The following PRAG1 variants were observed in gnomAD, a reference collection of about 807,000 sequenced individuals.
PRAG1 encodes inactive tyrosine-protein kinase PRAG1.
Under a neutral mutation model 95.6 loss-of-function variants are expected in PRAG1, and 110 were observed. That is an observed-to-expected ratio of 1.15 (90% CI 0.99 to 1.35). PRAG1 has a LOEUF of 1.35. Ranked by LOEUF, PRAG1 falls within the 40% of genes most tolerant of loss-of-function variation. The pLI is 0.00. For missense variants in PRAG1, 2,554 were observed against 1,864.7 expected (o/e 1.37, Z -6.81); for synonymous variants, 1,052 against 819.4 (o/e 1.28, Z -4.85).
Position 8,317,966 on chromosome 8 carries a change from G to A in PRAG1, c.*188C>T, listed in dbSNP as rs1798328548. 2.5e-6 allele frequency: 1 copy of A among 405,240 alleles called. No homozygotes were observed. Among genetic ancestry groups the A allele is most frequent in the Non-Finnish European group, 4.1e-6 (1 of 245,170 alleles). The allele number at this position is 405,240 out of a possible 1,614,324, so 25.1% of individuals were successfully genotyped here. On this transcript the variant is annotated 3_prime_UTR_variant, in exon 6 of 6. Coordinates refer to ENST00000615670, the MANE Select transcript of PRAG1 (RefSeq NM_001080826.3). ...GCAGAGAGGAGACGAGTGTGGACGGGCAACAGCATCCTTAGTCTTTCATAT... is the reference window on the plus strand; with the variant it reads ...GCAGAGAGGAGACGAGTGTGGACGGACAACAGCATCCTTAGTCTTTCATAT...
intron 4 of PRAG1, among the ~76,000 whole-genome samples, chr8:8,333,533 C>T (rs1585228522): frequency 6.6e-6 from 1 of 152,178 alleles, no homozygotes; most frequent in Non-Finnish European, 1.5e-5. Flanking sequence ...ACAGCTTAAC[C>T]TCTCTGCAGA....
At chr8:8,349,831 G>A (rs978787251) in intron 3 of PRAG1, among the ~76,000 whole-genome samples, 4 of 151,868 alleles carry the variant, frequency 2.6e-5, no homozygotes, top group Non-Finnish European at 5.9e-5. Context: ...TGACTCTTCT[G>A]GAGCTCTACA....
intron 4 of PRAG1, among the ~76,000 whole-genome samples, chr8:8,337,919 C>T (rs1433924157): frequency 6.6e-6 from 1 of 152,128 alleles, no homozygotes; most frequent in African/African-American, 2.4e-5. Context: ...TTGCCGGTGT[C>T]TATTGAAGCA....
At chr8:8,375,444 C>G (rs999126179) in intron 3 of PRAG1, among the ~76,000 whole-genome samples, 1 of 152,104 alleles carries the variant, frequency 6.6e-6, no homozygotes, top group Admixed American at 6.5e-5. Flanking sequence ...TCGTGATCCG[C>G]CCGCCTCGGC....
At chr8:8,336,921 C>G (rs866949386) in intron 4 of PRAG1, among the ~76,000 whole-genome samples, 14 of 142,822 alleles carry the variant, frequency 9.8e-5, no homozygotes, top group African/African-American at 2.8e-4. Flanking sequence ...CCCCTCCCCC[C>G]ACCTCCGACA....
intron 5 of PRAG1, among the ~76,000 whole-genome samples, chr8:8,319,894 T>G (rs969004826): frequency 6.6e-6 from 1 of 152,248 alleles, no homozygotes; most frequent in Non-Finnish European, 1.5e-5. Context: ...CACAGTGAGA[T>G]ATCAGTTCAC....
chr8:8,368,303 G>A (rs922403203), intron 3 of PRAG1, among the ~76,000 whole-genome samples: 2 of 152,232 alleles, frequency 1.3e-5, no homozygotes, highest in African/African-American at 4.8e-5. Flanking sequence ...GAAGCACAGA[G>A]AAGCCGTCCA....
At chr8:8,343,932 GA>G (rs962185057) in intron 3 of PRAG1, among the ~76,000 whole-genome samples, 7 of 151,702 alleles carry the variant, frequency 4.6e-5, no homozygotes, top group African/African-American at 1.7e-4. Context: ...AAATAAATGG[GA>G]AAAAATAATT....
intron 4 of PRAG1, among the ~76,000 whole-genome samples, chr8:8,334,900 T>A (rs1343341269): frequency 6.6e-6 from 1 of 151,918 alleles, no homozygotes; most frequent in African/African-American, 2.4e-5. Context: ...CTGGCCAACA[T>A]GGCGAAACTC....
At chr8:8,333,778 C>T (rs559254286) in intron 4 of PRAG1, among the ~76,000 whole-genome samples, 2 of 152,300 alleles carry the variant, frequency 1.3e-5, no homozygotes, top group African/African-American at 4.8e-5. Context: ...AACTAAGTCT[C>T]CCCAAACGTT....
At chr8:8,359,185 A>AT (rs1799772315) in intron 3 of PRAG1, among the ~76,000 whole-genome samples, 1 of 152,046 alleles carries the variant, frequency 6.6e-6, no homozygotes, top group Non-Finnish European at 1.5e-5. Context: ...CCCTCCTCTT[A>AT]TTTTTTTATA....
intron 4 of PRAG1, among the ~76,000 whole-genome samples, chr8:8,339,035 T>C (rs1385377579): frequency 6.6e-6 from 1 of 152,054 alleles, no homozygotes; most frequent in African/African-American, 2.4e-5. Flanking sequence ...CAGCAAACAT[T>C]ATGTAAACAT....
chr8:8,322,327 C>A (rs1037427445), intron 5 of PRAG1, among the ~76,000 whole-genome samples: 2 of 152,022 alleles, frequency 1.3e-5, no homozygotes, highest in Non-Finnish European at 2.9e-5. Context: ...ATTACAGGTG[C>A]CTGCCACCAC....
chr8:8,368,892 A>T (rs867358411), intron 3 of PRAG1, among the ~76,000 whole-genome samples: 8 of 150,688 alleles, frequency 5.3e-5, no homozygotes, highest in African/African-American at 1.7e-4. Context: ...TTGGCAAGAG[A>T]GTGCTGGCTC....
chr8:8,340,553 G>C (rs947118330), intron 3 of PRAG1, among the ~76,000 whole-genome samples: 2 of 152,238 alleles, frequency 1.3e-5, no homozygotes, highest in Non-Finnish European at 2.9e-5. Context: ...TTCTACGGCA[G>C]ATCCATATCT....
chr8:8,318,918 G>A lies in PRAG1; in HGVS notation c.3457C>T (p.Leu1153=). 6.2e-7 allele frequency: 1 copy of A among 1,609,108 alleles called. No individual in the cohort carries two copies. Among genetic ancestry groups the A allele is most frequent in the Non-Finnish European group, 8.5e-7 (1 of 1,178,200 alleles). ...HRDLCLENLL[L]VHCTLQAGPG... ...CCGGCCTGGAGGGTGCAGTGCACCA[G>A]CAGCAGGTTCTCCAGGCACAGGTCC... Residue 1153 remains leucine, a synonymous_variant, in exon 6 of 6, where the codon CTG becomes TTG. Coordinates refer to ENST00000615670, the MANE Select transcript of PRAG1 (RefSeq NM_001080826.3). This position sits in a 1 kb window ranked among gnomAD's most constrained non-coding sequence, Gnocchi z 4.2.
chr8:8,379,886 A>G (rs1800573811), intron 2 of PRAG1, among the ~76,000 whole-genome samples: 1 of 152,210 alleles, frequency 6.6e-6, no homozygotes, highest in African/African-American at 2.4e-5. Flanking sequence ...TCCAAGCTTC[A>G]AAATTGGAAA....
chr8:8,381,691 G>C lies in PRAG1; in HGVS notation c.57C>G (p.Asp19Glu), dbSNP rs759584602. The C allele has an allele frequency of 9.9e-6, 16 of 1,611,804 alleles. No homozygotes were observed. The highest frequency in any genetic ancestry group is 1.0e-5 in the Non-Finnish European group (12 of 1,178,250). Residue 19 changes from aspartate (D) to glutamate (E), a missense_variant, in exon 2 of 6, where the codon GAC (aspartate) becomes GAG (glutamate). Asp to Glu is a conservative substitution (Grantham distance 45). Transcript: ENST00000615670. ...CGGGTTTCCAGATGTGCTCCACAAA[G>C]TCACTGCACGCAGACATTTTCAGGC... The part of the protein sequence containing the change: ...PESLKMSACS[D>E]FVEHIWKPGS...
At chr8:8,333,820 G>A (rs1298121637) in intron 4 of PRAG1, among the ~76,000 whole-genome samples, 1 of 152,212 alleles carries the variant, frequency 6.6e-6, no homozygotes, top group African/African-American at 2.4e-5. Flanking sequence ...CTCCAACTTT[G>A]AGTAAGGTAA....
Sources: allele counts gnomAD v4.1 joint callset (sites outside exome capture counted in the v4.1 genomes callset), GRCh38; gene constraint gnomAD v4.1.1; non-coding constraint Gnocchi (gnomAD v3.1); transcripts MANE v1.5; gene names NCBI Gene and HGNC (gene_info 2026-07-23, HGNC 2026-07-21).